SLC39A10: variants seen among roughly 807,000 people sequenced by gnomAD.
SLC39A10 encodes solute carrier family 39 member 10.
In SLC39A10, 13 loss-of-function variants were observed where a neutral mutation model predicts 65.1. The observed-to-expected ratio is 0.20, with a 90% CI of 0.13 to 0.32. The LOEUF is 0.32. Among genes scored for constraint, SLC39A10 ranks in the 10% least tolerant of loss-of-function variants. The pLI is 1.00. For synonymous variants in SLC39A10, 321 were observed against 342.2 expected, an observed-to-expected ratio of 0.94 and a Z score of 0.68; for missense variants, 831 against 1,018.4, an observed-to-expected ratio of 0.82 and a Z score of 2.50.
intron 3 of SLC39A10, among the ~76,000 whole-genome samples, chr2:195,696,599 G>A (rs766409572): frequency 1.8e-4 from 27 of 152,012 alleles, no homozygotes; most frequent in Non-Finnish European, 3.4e-4. Context: ...CTTGAACAAC[G>A]TGGGGGGATT....
intron 2 of SLC39A10, among the ~76,000 whole-genome samples, chr2:195,617,476 T>A (rs9711771): frequency 6.6e-6 from 1 of 151,934 alleles, no homozygotes; most frequent in Non-Finnish European, 1.5e-5. Context: ...GCAGAAGAAT[T>A]GCTTGAACCT....
intron 8 of SLC39A10, among the ~76,000 whole-genome samples, chr2:195,718,849 T>C (rs1255300749): frequency 1.3e-5 from 2 of 152,118 alleles, no homozygotes; most frequent in South Asian, 2.1e-4. Context: ...ACTCGGTTAC[T>C]AACCAGCACT....
Position 195,716,898 on chromosome 2 carries a change from G to A in SLC39A10, c.1958G>A (p.Gly653Asp). 1 of 1,614,186 alleles carries A rather than the reference G, an allele frequency of 6.2e-7. No individual in the cohort carries two copies. Among genetic ancestry groups the A allele is most frequent in the Non-Finnish European group, 8.5e-7 (1 of 1,180,032 alleles). ...WHHKHSHHSH[G>D]PCHSGSDLKE... The stretch of plus-strand genomic sequence containing the variant: ...CACAAGCATTCTCATCATTCCCATG[G>A]CCCCTGTCATTCTGGATCCGATCTG... Residue 653 changes from glycine (G) to aspartate (D), a missense_variant, in exon 7 of 10, where the codon GGC (glycine) becomes GAC (aspartate). Transcript: ENST00000359634.
intron 9 of SLC39A10, among the ~76,000 whole-genome samples, chr2:195,731,101 T>G (rs1336570288): frequency 6.6e-6 from 1 of 152,242 alleles, no homozygotes; most frequent in African/African-American, 2.4e-5. Flanking sequence ...CACATTTGTA[T>G]GCTTCACATT....
At chr2:195,717,714 C>T (rs1691872322) in intron 7 of SLC39A10, among the ~76,000 whole-genome samples, 1 of 152,124 alleles carries the variant, frequency 6.6e-6, no homozygotes, top group Admixed American at 6.5e-5. Context: ...GCCACCTGCT[C>T]AGCCTATAGT....
At chr2:195,665,119 G>A (rs561099255) in intron 1 of SLC39A10, among the ~76,000 whole-genome samples, 1 of 152,298 alleles carries the variant, frequency 6.6e-6, no homozygotes, top group South Asian at 2.1e-4. Context: ...GAGGTCAGGA[G>A]TTTGAGACTA....
chr2:195,619,360 G>T (rs1257140481), intron 2 of SLC39A10, among the ~76,000 whole-genome samples: 1 of 152,342 alleles, frequency 6.6e-6, no homozygotes, highest in East Asian at 1.9e-4. Flanking sequence ...TTTCTAGCTT[G>T]TGCATGTGGT....
chr2:195,727,581 G>A (rs1692290700), intron 8 of SLC39A10, among the ~76,000 whole-genome samples: 1 of 152,138 alleles, frequency 6.6e-6, no homozygotes, highest in Admixed American at 6.5e-5. Flanking sequence ...TAAAGCACCT[G>A]TTACCTCTGT....
Position 195,735,536 on chromosome 2 carries a change from A to G in SLC39A10, c.*495A>G, listed in dbSNP as rs1449227732. The G allele has an allele frequency of 1.3e-5, 2 of 152,704 alleles. No homozygotes were observed. The highest frequency in any genetic ancestry group is 1.3e-4 in the Admixed American group (2 of 15,296). 9.5% of individuals were successfully genotyped at this position (152,704 alleles called of 1,614,324 possible). A position where few individuals can be genotyped will look rare whatever the true frequency, so the allele number is the denominator to read the frequency against. On this transcript the variant is annotated 3_prime_UTR_variant, in exon 10 of 10. Transcript: ENST00000359634. Reference sequence around the variant, plus strand: ...ACTTGACACAACTTTGAAACTGCATAAAGTAGACATAGGAACTAGAGGAAA... The same window carrying G: ...ACTTGACACAACTTTGAAACTGCATGAAGTAGACATAGGAACTAGAGGAAA...
intron 2 of SLC39A10, among the ~76,000 whole-genome samples, chr2:195,617,901 G>A (rs1337163116): frequency 1.0e-4 from 15 of 150,430 alleles, no homozygotes; most frequent in Non-Finnish European, 1.0e-4. Context: ...CACCACGCCC[G>A]GCTAATTTTT....
chr2:195,683,990 A>C, intron 3 of SLC39A10, 84 bp downstream of exon 3: 1 of 939,842 alleles, frequency 1.1e-6, no homozygotes, highest in Non-Finnish European at 1.6e-6. Context: ...AAAGAATCCT[A>C]AATTATTGAC....
chr2:195,701,644 G>A (rs1291591853), intron 3 of SLC39A10, among the ~76,000 whole-genome samples: 1 of 150,466 alleles, frequency 6.6e-6, no homozygotes, highest in Non-Finnish European at 1.5e-5. Flanking sequence ...GTTTTATGCT[G>A]TCTCTGTGGG....
At chr2:195,692,871 T>C (rs1690797105) in intron 3 of SLC39A10, among the ~76,000 whole-genome samples, 1 of 152,178 alleles carries the variant, frequency 6.6e-6, no homozygotes, top group Admixed American at 6.5e-5. Flanking sequence ...CTATGATGAA[T>C]AGAAGTGGTG....
intron 3 of SLC39A10, among the ~76,000 whole-genome samples, chr2:195,703,237 GT>G (rs1691261038): frequency 6.6e-6 from 1 of 152,074 alleles, no homozygotes; most frequent in Non-Finnish European, 1.5e-5. Flanking sequence ...TATGTGGCCA[GT>G]TCAAGTAGCT....
intron 9 of SLC39A10, among the ~76,000 whole-genome samples, chr2:195,731,006 A>G (rs1335778648): frequency 2.0e-5 from 3 of 150,820 alleles, no homozygotes; most frequent in Non-Finnish European, 3.0e-5. Flanking sequence ...CTTTTTAACT[A>G]CTCTCCCTGC....
intron 4 of SLC39A10, among the ~76,000 whole-genome samples, chr2:195,707,887 C>T (rs7565283): frequency 0.06 from 9,131 of 152,028 alleles, 386 homozygotes; most frequent in African/African-American, 0.12. Context: ...AATTTTAGAA[C>T]GAAGAAAGAT....
chr2:195,647,641 T>C (rs1688950402), intron 2 of SLC39A10, among the ~76,000 whole-genome samples: 1 of 151,954 alleles, frequency 6.6e-6, no homozygotes, highest in South Asian at 2.1e-4. Flanking sequence ...GCTATACCTA[T>C]ATCTAACATA....
rs3049392 is a variant in SLC39A10 at position 195,640,340 on chromosome 2, GAAA to G, written c.-12+34121_-12+34123del. Among the ~76,000 whole-genome samples, 2,723 of 126,322 alleles carry G rather than the reference GAAA, an allele frequency of 0.022. 222 individuals carry two copies. The East Asian group carries it at 0.27, about 12-fold the overall frequency. 82.9% of individuals were successfully genotyped at this position (126,322 alleles called of 152,430 possible). ...CATGAAAAGCCCTGAAGCATTAAAAGAAAAAAAAAAAAAAAACCTTAAAAATCC... is the reference window on the plus strand; with the variant it reads ...CATGAAAAGCCCTGAAGCATTAAAAGAAAAAAAAAAAAACCTTAAAAATCC... On this transcript the variant is annotated intron_variant, in intron 2 of 2. Transcript: ENST00000458054.
Position 195,628,500 on chromosome 2 carries a change from G to A in SLC39A10, c.-12+22267G>A, listed in dbSNP as rs188100420. Among the ~76,000 whole-genome samples the A allele has an allele frequency of 2.2e-3, 334 of 152,126 alleles. 5 individuals carry two copies. The highest frequency in any genetic ancestry group is 7.6e-3 in the African/African-American group (314 of 41,510). On this transcript the variant is annotated intron_variant, in intron 2 of 2. Coordinates refer to the SLC39A10 transcript ENST00000458054. ...GCATATTTAGTATATATTATATGCC[G>A]GGCACTGTGCTAGGCACTGGGATAC...
Sources: gnomAD v4.1 joint callset for allele counts (sites outside exome capture counted in the v4.1 genomes callset) on GRCh38, gnomAD v4.1.1 for gene constraint, MANE v1.5 for transcripts, NCBI Gene and HGNC (gene_info 2026-07-23, HGNC 2026-07-21) for gene names.